CNOT6L: variants seen among roughly 807,000 people sequenced by gnomAD.
CNOT6L encodes the protein CCR4-NOT transcription complex subunit 6-like.
A neutral mutation model predicts 64.0 loss-of-function variants in CNOT6L; 7 were observed. The observed-to-expected ratio is 0.11, with a 90% CI of 0.06 to 0.21. CNOT6L has a LOEUF of 0.21. CNOT6L is among the 10% of genes least tolerant of loss of function. CNOT6L has a pLI of 1.00. For synonymous variants in CNOT6L, 193 were observed against 243.4 expected, an observed-to-expected ratio of 0.79 and a Z score of 1.93; for missense variants, 245 against 669.0, an observed-to-expected ratio of 0.37 and a Z score of 6.99.
At chr4:77,772,631 T>C (rs1389068064) in intron 4 of CNOT6L, among the ~76,000 whole-genome samples, 5 of 152,184 alleles carry the variant, frequency 3.3e-5, no homozygotes, top group Admixed American at 3.3e-4. Flanking sequence ...CTTAAAGAAC[T>C]ACTTTCTTAG....
intron 1 of CNOT6L, among the ~76,000 whole-genome samples, chr4:77,783,493 T>C (rs921355976): frequency 1.3e-5 from 2 of 152,212 alleles, no homozygotes; most frequent in Non-Finnish European, 2.9e-5. Context: ...CATCAGGTAG[T>C]TGCATTGTTC....
At position 77,719,574 on chromosome 4, in the gene CNOT6L, A is replaced by C. The variant is rs1721079393; in HGVS notation, c.*857T>G. On this transcript the variant is annotated 3_prime_UTR_variant, in exon 12 of 12. Coordinates refer to ENST00000504123, the MANE Select transcript of CNOT6L (RefSeq NM_144571.3). ...GTCATATAACATCTGTTTTCCTGGC[A>C]CAACCAGACAGAAGGTTGAATTGGA... The C allele has an allele frequency of 6.6e-6, 1 of 152,612 alleles. No homozygotes were observed. The highest frequency in any genetic ancestry group is 2.4e-5 in the African/African-American group (1 of 41,466). 9.5% of individuals were successfully genotyped at this position (152,612 alleles called of 1,614,324 possible).
chr4:77,761,595 A>G (rs1341394570), intron 4 of CNOT6L, among the ~76,000 whole-genome samples: 1 of 152,208 alleles, frequency 6.6e-6, no homozygotes, highest in East Asian at 1.9e-4. Context: ...AATGACAAAA[A>G]CCATTCAGCA....
Position 77,718,072 on chromosome 4 carries a change from A to G in CNOT6L, c.*2359T>C, listed in dbSNP as rs1051132287. On this transcript the variant is annotated 3_prime_UTR_variant, in exon 12 of 12. Transcript: ENST00000504123. ...TTTTTTCCCTCTACATTTAACTATT[A>G]AAAAAGTTTTTTATTAATAAATGGG... The G allele has an allele frequency of 6.6e-6, 1 of 152,328 alleles. No homozygotes were observed. The highest frequency in any genetic ancestry group is 1.5e-5 in the Non-Finnish European group (1 of 67,988). The allele number at this position is 152,328 out of a possible 1,614,324, so 9.4% of individuals were successfully genotyped here.
intron 1 of CNOT6L, among the ~76,000 whole-genome samples, chr4:77,813,508 G>T (rs1466257531): frequency 3.3e-5 from 5 of 152,038 alleles, no homozygotes; most frequent in Admixed American, 1.3e-4. Context: ...GAAAATATTT[G>T]CAAATCATAT....
chr4:77,804,936 G>A (rs188592810), intron 1 of CNOT6L, among the ~76,000 whole-genome samples: 1 of 152,300 alleles, frequency 6.6e-6, no homozygotes, highest in Admixed American at 6.5e-5. Context: ...ACAGGTAACA[G>A]TACTACCACT....
intron 4 of CNOT6L, among the ~76,000 whole-genome samples, chr4:77,760,860 CTTTTTTTTT>C (rs754195745): frequency 0.012 from 348 of 29,962 alleles, 3 homozygotes; most frequent in Admixed American, 0.016. Context: ...CCATGCCTGG[CTTTTTTTTT>C]TTTTTTTTTT....
chr4:77,749,127 A>G (rs1327080009), intron 5 of CNOT6L, among the ~76,000 whole-genome samples: 1 of 152,184 alleles, frequency 6.6e-6, no homozygotes, highest in African/African-American at 2.4e-5. Flanking sequence ...CTCCATCTTT[A>G]TCTAGCCACA....
At chr4:77,787,705 T>C (rs1486036183) in intron 1 of CNOT6L, among the ~76,000 whole-genome samples, 1 of 152,212 alleles carries the variant, frequency 6.6e-6, no homozygotes, top group Non-Finnish European at 1.5e-5. Context: ...ATTCTTTAGG[T>C]GCAGCAAATG....
chr4:77,819,156 C>T, intron 1 of CNOT6L, 148 bp downstream of exon 1: 1 of 1,492,416 alleles, frequency 6.7e-7, no homozygotes, highest in South Asian at 1.2e-5. Context: ...ACCCACTCGC[C>T]GTGGGTCCTC....
chr4:77,813,544 A>G (rs530733026), intron 1 of CNOT6L, among the ~76,000 whole-genome samples: 35 of 152,290 alleles, frequency 2.3e-4, no homozygotes, highest in South Asian at 8.3e-4. Flanking sequence ...AGAGTATAAA[A>G]AAGACTCTTA....
intron 1 of CNOT6L, among the ~76,000 whole-genome samples, chr4:77,781,761 T>C (rs1174457899): frequency 2.6e-5 from 4 of 152,224 alleles, no homozygotes; most frequent in East Asian, 1.9e-4. Flanking sequence ...GTAAGTCCTA[T>C]AGTGTTAAAT....
At chr4:77,772,246 T>A (rs569287095) in intron 4 of CNOT6L, among the ~76,000 whole-genome samples, 1 of 152,190 alleles carries the variant, frequency 6.6e-6, no homozygotes, top group African/African-American at 2.4e-5. Context: ...CCCTTTTTTT[T>A]CTTGAGACGG....
At position 77,753,056 on chromosome 4, in the gene CNOT6L, A is replaced by G. The variant is rs185190860; in HGVS notation, c.490+3806T>C. ...TATTCTGAACAACTTTCGGCCCGTA[A>G]ATTTGAAGATTTACATAAAATGGGC... On this transcript the variant is annotated intron_variant, in intron 5 of 11. Coordinates refer to ENST00000504123, the MANE Select transcript of CNOT6L (RefSeq NM_144571.3). Among the ~76,000 whole-genome samples the G allele has an allele frequency of 1.1e-3, 168 of 151,904 alleles. 1 individual carries two copies. Among genetic ancestry groups the G allele is most frequent in the African/African-American group, 3.7e-3 (154 of 41,544 alleles).
At chr4:77,735,412 T>C (rs912007097) in intron 8 of CNOT6L, among the ~76,000 whole-genome samples, 24 of 152,336 alleles carry the variant, frequency 1.6e-4, no homozygotes, top group African/African-American at 5.5e-4. Context: ...GTCTGTCTTT[T>C]TGAAAAGTTT....
intron 1 of CNOT6L, among the ~76,000 whole-genome samples, chr4:77,777,907 G>A (rs554114788): frequency 8.9e-4 from 136 of 152,236 alleles, no homozygotes; most frequent in African/African-American, 3.2e-3. Flanking sequence ...CATTTCTAAA[G>A]GGAAAATAGT....
chr4:77,816,466 T>G (rs1424685462), intron 1 of CNOT6L, among the ~76,000 whole-genome samples: 2 of 151,996 alleles, frequency 1.3e-5, no homozygotes, highest in Non-Finnish European at 2.9e-5. Context: ...AAATACACAC[T>G]CCCACAACAC....
chr4:77,810,997 T>A (rs1370975700), intron 1 of CNOT6L, among the ~76,000 whole-genome samples: 1 of 152,172 alleles, frequency 6.6e-6, no homozygotes, highest in Non-Finnish European at 1.5e-5. Context: ...AAGACGGATT[T>A]CATTCTTTAT....
intron 1 of CNOT6L, among the ~76,000 whole-genome samples, chr4:77,804,230 C>T (rs1302093992): frequency 6.6e-6 from 1 of 152,024 alleles, no homozygotes; most frequent in Non-Finnish European, 1.5e-5. Flanking sequence ...GAGTTTGAGA[C>T]CAGCCTGGCC....
Sources: allele counts gnomAD v4.1 joint callset (sites outside exome capture counted in the v4.1 genomes callset), GRCh38; gene constraint gnomAD v4.1.1; transcripts MANE v1.5; gene names NCBI Gene and HGNC (gene_info 2026-07-23, HGNC 2026-07-21).